Variants in ANKRD36 observed in about 807,000 individuals in gnomAD.
The protein encoded by ANKRD36 is ankyrin repeat domain-containing protein 36A.
In ANKRD36, 179 loss-of-function variants were observed where a neutral mutation model predicts 278.1. The ratio of observed to expected loss-of-function variants is 0.64; its 90% CI spans 0.57 to 0.73. The LOEUF is 0.73. Among genes scored for constraint, ANKRD36 ranks in the 30% least tolerant of loss-of-function variants. The pLI, the probability that ANKRD36 is intolerant of heterozygous loss-of-function variation, is 0.00. For synonymous variants in ANKRD36, 320 were observed against 641.1 expected (o/e 0.50, Z 7.57); for missense variants, 1,159 against 1,956.7 (o/e 0.59, Z 7.69).
At chr2:97,201,337 AC>A (rs2061325271) in intron 46 of ANKRD36, among the ~76,000 whole-genome samples, 1 of 151,898 alleles carries the variant, frequency 6.6e-6, no homozygotes, top group Non-Finnish European at 1.5e-5. Context: ...ATAACATGAT[AC>A]TGCCTACAAG....
intron 22 of ANKRD36, among the ~76,000 whole-genome samples, chr2:97,177,477 G>A (rs2054635412): frequency 6.6e-6 from 1 of 151,942 alleles, no homozygotes; most frequent in Admixed American, 6.6e-5. Flanking sequence ...TACCAAAACA[G>A]AGCTATAGAT....
intron 58 of ANKRD36, chr2:97,213,009 G>T: frequency 5.0e-6 from 2 of 398,096 alleles, no homozygotes; most frequent in Non-Finnish European, 9.0e-6. Context: ...ATGAATGTTT[G>T]TACTATAATG....
chr2:97,201,877 G>T (rs1297390738), intron 46 of ANKRD36, among the ~76,000 whole-genome samples: 3 of 151,906 alleles, frequency 2.0e-5, no homozygotes, highest in Admixed American at 2.0e-4. Context: ...ATTCTCAGGT[G>T]TGTGAGTTGC....
At chr2:97,176,837 T>C (rs2054405280) in intron 22 of ANKRD36, among the ~76,000 whole-genome samples, 1 of 151,862 alleles carries the variant, frequency 6.6e-6, no homozygotes, top group Admixed American at 6.6e-5. Flanking sequence ...ACAAAATCTC[T>C]CAGCATTTGC....
At chr2:97,136,444 G>A (rs1225415707) in intron 6 of ANKRD36, among the ~76,000 whole-genome samples, 1 of 151,326 alleles carries the variant, frequency 6.6e-6, no homozygotes, top group Non-Finnish European at 1.5e-5. Flanking sequence ...CCAAAGAGGG[G>A]GTCCTGGGAA....
chr2:97,192,951 A>C, intron 37 of ANKRD36, 30 bp from the exon 38 acceptor site: 1 of 1,587,422 alleles, frequency 6.3e-7, no homozygotes, highest in Non-Finnish European at 8.6e-7. Context: ...TACTTTATTA[A>C]TTTATTATTT....
intron 11 of ANKRD36, among the ~76,000 whole-genome samples, chr2:97,147,774 A>G (rs2044672171): frequency 6.6e-6 from 1 of 151,860 alleles, no homozygotes; most frequent in Non-Finnish European, 1.5e-5. Context: ...TTGAAGAGAA[A>G]CAAACTCTTA....
chr2:97,137,788 C>T (rs1450107670), intron 6 of ANKRD36, among the ~76,000 whole-genome samples: 4 of 152,044 alleles, frequency 2.6e-5, no homozygotes, highest in African/African-American at 7.2e-5. Flanking sequence ...GACCTTTTAA[C>T]GATTGCCATT....
At chr2:97,200,630 C>T (rs1414731036) in intron 46 of ANKRD36, 105 bp downstream of exon 46, 2 of 1,492,854 alleles carry the variant, frequency 1.3e-6, no homozygotes, top group Non-Finnish European at 1.8e-6. Context: ...TTCTGATTCA[C>T]CAAGCTTGAG....
intron 8 of ANKRD36, 44 bp from the exon 9 acceptor site, chr2:97,144,474 T>C: frequency 6.2e-7 from 1 of 1,600,932 alleles, no homozygotes; most frequent in Non-Finnish European, 8.5e-7. Flanking sequence ...GATAACTTTA[T>C]CATATTTACA....
At chr2:97,193,751 G>A (rs1471424379) in intron 38 of ANKRD36, among the ~76,000 whole-genome samples, 1 of 151,586 alleles carries the variant, frequency 6.6e-6, no homozygotes, top group Non-Finnish European at 1.5e-5. Context: ...GTTGATTTTA[G>A]TTATAAAAAT....
chr2:97,169,902 T>C (rs890818605), intron 22 of ANKRD36, among the ~76,000 whole-genome samples: 4 of 152,172 alleles, frequency 2.6e-5, no homozygotes, highest in Admixed American at 2.0e-4. Context: ...ATTGACTTTC[T>C]TCACAGAATT....
At position 97,147,678 on chromosome 2, in the gene ANKRD36, AAC is replaced by A. The variant is rs527531721; in HGVS notation, c.1034+1166_1034+1167del. ...TTAGAAAGAGGGAGTGGCTCTAGTG[AAC>A]ACAGTGGAAGAGGATGAGAATTGAA... On this transcript the variant is annotated intron_variant, in intron 11 of 75. Transcript: ENST00000420699. 1.4e-4 allele frequency among the ~76,000 whole-genome samples: 22 copies of A among 152,058 alleles called. No homozygotes were observed. The South Asian group carries it at 4.6e-3, about 32-fold the overall frequency.
At chr2:97,166,276 CGAT>C (rs1332561148) in intron 20 of ANKRD36, among the ~76,000 whole-genome samples, 1 of 151,086 alleles carries the variant, frequency 6.6e-6, no homozygotes, top group Non-Finnish European at 1.5e-5. Flanking sequence ...AGTTGATACT[CGAT>C]GAAACTGATG....
intron 42 of ANKRD36, 41 bp downstream of exon 42, chr2:97,196,829 T>C (rs1392262973): frequency 1.9e-6 from 3 of 1,542,504 alleles, no homozygotes; most frequent in Non-Finnish European, 2.6e-6. Flanking sequence ...TCAGTCCAGA[T>C]AGATAAGAAG....
chr2:97,196,316 G>C (rs1364971059), intron 40 of ANKRD36, among the ~76,000 whole-genome samples: 6 of 88,390 alleles, frequency 6.8e-5, no homozygotes, highest in African/African-American at 1.3e-4. Context: ...CTCATCACTC[G>C]GCCTAAGACA....
intron 44 of ANKRD36, among the ~76,000 whole-genome samples, chr2:97,199,675 C>T (rs1380138094): frequency 1.3e-5 from 2 of 151,836 alleles, no homozygotes; most frequent in Non-Finnish European, 2.9e-5. Context: ...CCTTCGGTGC[C>T]AAGAGTGGAT....
At chr2:97,188,321 A>C (rs979560899) in intron 32 of ANKRD36, among the ~76,000 whole-genome samples, 3 of 151,240 alleles carry the variant, frequency 2.0e-5, no homozygotes, top group Admixed American at 6.6e-5. Flanking sequence ...TTTCTGAATG[A>C]AAAACTGATT....
Position 97,196,907 on chromosome 2 carries a change from A to AT in ANKRD36, c.2653+121dup, listed in dbSNP as rs1322777183. On this transcript the variant is annotated intron_variant, in intron 42 of 75. Transcript: ENST00000420699. The stretch of plus-strand genomic sequence containing the variant: ...CACTTTCTGATTCAGCAGGCCGGAG[A>AT]TTCTTCATTTGCAGTAGGTTCTTGG... 2.3e-4 allele frequency: 330 copies of AT among 1,457,900 alleles called. No individual in the cohort carries two copies. In the Middle Eastern group the frequency reaches 4.0e-3, roughly 18 times the overall value. 90.3% of individuals were successfully genotyped at this position (1,457,900 alleles called of 1,614,324 possible).
Sources: allele counts gnomAD v4.1 joint callset (sites outside exome capture counted in the v4.1 genomes callset), GRCh38; gene constraint gnomAD v4.1.1; transcripts MANE v1.5; gene names NCBI Gene and HGNC (gene_info 2026-07-23, HGNC 2026-07-21).